Variants in PLOD1 observed in about 807,000 individuals in gnomAD.
The protein encoded by PLOD1 is procollagen-lysine,2-oxoglutarate 5-dioxygenase 1, also known as lysine hydroxylase.
A neutral mutation model predicts 94.7 loss-of-function variants in PLOD1; 70 were observed. The ratio of observed to expected loss-of-function variants is 0.74; its 90% CI spans 0.61 to 0.90. PLOD1 has a LOEUF of 0.90. Ranked by LOEUF, PLOD1 falls within the 40% of genes least tolerant of loss-of-function variation. The pLI, the probability that PLOD1 is intolerant of heterozygous loss-of-function variation, is 0.00. For synonymous variants in PLOD1, 417 were observed against 400.2 expected, an observed-to-expected ratio of 1.04 and a Z score of -0.50; for missense variants, 905 against 972.7, an observed-to-expected ratio of 0.93 and a Z score of 0.93.
chr1:11,959,354 A>G (rs1645762102), intron 9 of PLOD1, among the ~76,000 whole-genome samples: 1 of 152,100 alleles, frequency 6.6e-6, no homozygotes, highest in Non-Finnish European at 1.5e-5. Context: ...AGTTGCTTCT[A>G]ACTGTTGTCA....
chr1:11,962,971 G>A (rs559779769), intron 10 of PLOD1, among the ~76,000 whole-genome samples: 2 of 152,188 alleles, frequency 1.3e-5, no homozygotes, highest in South Asian at 2.1e-4. Context: ...AACCCGGGAG[G>A]TGGAGGTTGC....
intron 12 of PLOD1, 99 bp from the exon 13 acceptor site, chr1:11,964,545 C>A: frequency 8.0e-7 from 1 of 1,252,826 alleles, no homozygotes; most frequent in Non-Finnish European, 1.2e-6. Flanking sequence ...TTCTCACACC[C>A]AGACTCCAGG....
chr1:11,943,793 A>G (rs532683251), intron 1 of PLOD1, among the ~76,000 whole-genome samples: 2 of 152,304 alleles, frequency 1.3e-5, no homozygotes, highest in Non-Finnish European at 2.9e-5. Flanking sequence ...CAGTGCATGC[A>G]TTTAGGTTAA....
intron 1 of PLOD1, among the ~76,000 whole-genome samples, chr1:11,941,173 C>T (rs935364252): frequency 1.3e-5 from 2 of 152,354 alleles, no homozygotes; most frequent in South Asian, 4.1e-4. Flanking sequence ...ATGCCTCATA[C>T]AGCACACGGT....
Position 11,970,821 on chromosome 1 carries a change from G to A in PLOD1, c.1902+5G>A, listed in dbSNP as rs536037196. ...TACCCCGGCTACTACACCAGGGTGG[G>A]CAAGCCTGGGGCATAGCCAGGATGC... On this transcript the variant is annotated splice_donor_5th_base_variant and intron_variant, in intron 17 of 18. Transcript: ENST00000196061. 8.7e-6 allele frequency: 14 copies of A among 1,605,078 alleles called. No individual in the cohort carries two copies. In the South Asian group the frequency reaches 1.5e-4, roughly 18 times the overall value.
rs761949919 is a variant in PLOD1, at chr1:11,967,038, G to C, written c.1702G>C (p.Glu568Gln). The change falls in exon 16 of 19, where the codon GAG becomes CAG. Residue 568 changes from glutamate (E) to glutamine (Q), a missense_variant. Coordinates refer to ENST00000196061, the MANE Select transcript of PLOD1 (RefSeq NM_000302.4). ...CATCTTCACGGAGGTGGCCTGTGAT[G>C]AGCTGGTGGAGGAGATGGAGCACTT... ...FPIFTEVACD[E>Q]LVEEMEHFGQ... 1 of 1,614,106 alleles carries C rather than the reference G, an allele frequency of 6.2e-7. No individual in the cohort carries two copies. The highest frequency in any genetic ancestry group is 1.1e-5 in the South Asian group (1 of 91,086).
chr1:11,937,840 C>A (rs745419056), intron 1 of PLOD1, among the ~76,000 whole-genome samples: 22 of 151,968 alleles, frequency 1.4e-4, no homozygotes, highest in Non-Finnish European at 3.1e-4. Context: ...GAGAGCAGAT[C>A]CCCAGGCCTG....
At position 11,949,763 on chromosome 1, in the gene PLOD1, T is replaced by G; in HGVS notation, c.169-10T>G. 1 of 1,613,824 alleles carries G rather than the reference T, an allele frequency of 6.2e-7. No individual in the cohort carries two copies. The highest frequency in any genetic ancestry group is 1.7e-4 in the Middle Eastern group (1 of 6,038). ...ACCAAAAGCCCGTGTTAAGGGGTGT[T>G]TCTCTCCAGGCGCTTGGCCTAGGGG... is the stretch of plus-strand genomic sequence containing the variant. On this transcript the variant is annotated splice_polypyrimidine_tract_variant and intron_variant, in intron 2 of 18. Transcript: ENST00000196061.
rs1332051198 is a variant in PLOD1 at position 11,958,868 on chromosome 1, G to T, written c.975+221G>T. ...TATTTTATTGGCTGTGTGACCTTGG[G>T]CACATTACTCAACCTCTCTGTGCTT... On this transcript the variant is annotated intron_variant, in intron 9 of 18. Coordinates refer to ENST00000196061, the MANE Select transcript of PLOD1 (RefSeq NM_000302.4). This position sits in a 1 kb window ranked among gnomAD's most constrained non-coding sequence, Gnocchi z 4.3. Among the ~76,000 whole-genome samples, 4 of 152,132 alleles carry T rather than the reference G, an allele frequency of 2.6e-5. No homozygotes were observed. The highest frequency in any genetic ancestry group is 5.9e-5 in the Non-Finnish European group (4 of 68,036).
chr1:11,956,870 G>T, intron 6 of PLOD1, 47 bp from the exon 7 acceptor site: 1 of 1,321,236 alleles, frequency 7.6e-7, no homozygotes. Context: ...CCCTGAGCCT[G>T]ACCTCTGGGT....
intron 10 of PLOD1, among the ~76,000 whole-genome samples, chr1:11,962,274 C>CTTTTTTTTTTTTTTTTTTT (rs780613164): frequency 4.0e-5 from 4 of 99,088 alleles, no homozygotes; most frequent in Non-Finnish European, 5.6e-5. Flanking sequence ...TTTTTGTTTT[C>CTTTTTTTTTTTTTTTTTTT]TTTTTTTTTT....
rs191540436 is a variant in PLOD1, at chr1:11,955,538, G to A, written c.643+645G>A. Among the ~76,000 whole-genome samples the A allele has an allele frequency of 1.5e-3, 224 of 152,276 alleles. 1 individual carries two copies. The highest frequency in any genetic ancestry group is 5.0e-3 in the East Asian group (26 of 5,188). On this transcript the variant is annotated intron_variant, in intron 6 of 18. Transcript: ENST00000196061. Reference sequence around the variant, plus strand: ...GCTACGGCTCTGCTCCCAGAGAAACGCAGAAAATGCCCTTTGCCTGTGGTT... The same window carrying A: ...GCTACGGCTCTGCTCCCAGAGAAACACAGAAAATGCCCTTTGCCTGTGGTT...
chr1:11,943,498 T>C (rs1645629086), intron 1 of PLOD1, among the ~76,000 whole-genome samples: 1 of 152,134 alleles, frequency 6.6e-6, no homozygotes, highest in African/African-American at 2.4e-5. Context: ...GGTTTCACCA[T>C]GTTGACCAGG....
chr1:11,974,264 G>A (rs1645886595), intron 18 of PLOD1, among the ~76,000 whole-genome samples: 2 of 151,572 alleles, frequency 1.3e-5, no homozygotes, highest in Non-Finnish European at 2.9e-5. Context: ...GCGCGATCTC[G>A]GCTCACTGCC....
intron 2 of PLOD1, 67 bp from the exon 3 acceptor site, chr1:11,949,706 C>T (rs1645683957): frequency 3.9e-6 from 6 of 1,539,986 alleles, no homozygotes; most frequent in Non-Finnish European, 5.4e-6. Flanking sequence ...CAGCATGAGC[C>T]ACCACGGCCA....
intron 10 of PLOD1, among the ~76,000 whole-genome samples, chr1:11,962,762 C>T (rs994450827): frequency 2.0e-5 from 3 of 151,648 alleles, no homozygotes; most frequent in South Asian, 2.1e-4. Flanking sequence ...GAAAAAAGGC[C>T]GGGTGCAGTG....
chr1:11,964,842 G>C, intron 13 of PLOD1, 57 bp downstream of exon 13: 1 of 1,587,350 alleles, frequency 6.3e-7, no homozygotes, highest in Non-Finnish European at 8.6e-7. Context: ...CGGGAAGGTG[G>C]GCCTCCAGCT....
Position 11,944,455 on chromosome 1 carries a change from T to A in PLOD1, c.77-3521T>A, listed in dbSNP as rs61776487. On this transcript the variant is annotated intron_variant, in intron 1 of 18. Transcript: ENST00000196061. The stretch of plus-strand genomic sequence containing the variant: ...CACACACACACACACACACACACAC[T>A]CACTCACATGCTCTCACGCTGGCTT... 5,043 of 717,184 alleles carry A rather than the reference T, an allele frequency of 7.0e-3. 26 individuals carry two copies. The highest frequency in any genetic ancestry group is 0.03 in the East Asian group (376 of 12,342). The allele number at this position is 717,184 out of a possible 1,614,324, so 44.4% of individuals were successfully genotyped here.
rs1426014193 is a variant in PLOD1, at chr1:11,963,963, C to T, written c.1203-212C>T. Among the ~76,000 whole-genome samples the T allele has an allele frequency of 2.0e-5, 3 of 152,168 alleles. No homozygotes were observed. The highest frequency in any genetic ancestry group is 1.3e-4 in the Admixed American group (2 of 15,268). On this transcript the variant is annotated intron_variant, in intron 11 of 18. Transcript: ENST00000196061. This position sits in a 1 kb window ranked among gnomAD's most constrained non-coding sequence, Gnocchi z 4.3. ...AGGTTCTGATAGAGAAGGTGTCCTG[C>T]CCTGTCTGCTCCTGGCTGCCCCATG...
Sources: allele counts gnomAD v4.1 joint callset (sites outside exome capture counted in the v4.1 genomes callset), GRCh38; gene constraint gnomAD v4.1.1; non-coding constraint Gnocchi (gnomAD v3.1); transcripts MANE v1.5; gene names NCBI Gene and HGNC (gene_info 2026-07-23, HGNC 2026-07-21).